BRINP1: variants seen among roughly 807,000 people sequenced by gnomAD.
The protein encoded by BRINP1 is BMP/retinoic acid inducible neural specific 1, also known as BMP/retinoic acid-inducible neural-specific protein 1.
A neutral mutation model predicts 72.9 loss-of-function variants in BRINP1; 17 were observed. That is an observed-to-expected ratio of 0.23 (90% confidence interval 0.16 to 0.35). BRINP1 has a LOEUF of 0.35. Ranked by LOEUF, BRINP1 falls within the 10% of genes least tolerant of loss-of-function variation. BRINP1 has a pLI of 1.00. For synonymous variants in BRINP1, 418 were observed against 378.5 expected (o/e 1.10, Z -1.21); for missense variants, 850 against 1,001.6 (o/e 0.85, Z 2.04).
At position 119,219,168 on chromosome 9, in the gene BRINP1, CTG is replaced by C. The variant is rs1181458540; in HGVS notation, c.686-5015_686-5014del. On this transcript the variant is annotated intron_variant, in intron 5 of 7. Coordinates refer to ENST00000265922, the MANE Select transcript of BRINP1 (RefSeq NM_014618.3). ...TTTCCTTTTGTGTAAGCCACCCAGT[CTG>C]TGAAATTTTGTTACAGCAGCCTGAG... is the stretch of plus-strand genomic sequence containing the variant. Among the ~76,000 whole-genome samples the C allele has an allele frequency of 2.0e-5, 3 of 152,102 alleles. No individual in the cohort carries two copies. The East Asian group carries it at 5.8e-4, about 30-fold the overall frequency.
At chr9:119,259,266 G>A (rs1032522241) in intron 2 of BRINP1, among the ~76,000 whole-genome samples, 9 of 152,124 alleles carry the variant, frequency 5.9e-5, no homozygotes, top group African/African-American at 1.7e-4. Context: ...CAGCATCTCT[G>A]AGCTTCTTTA....
intron 1 of BRINP1, among the ~76,000 whole-genome samples, chr9:119,353,969 C>T (rs1297914950): frequency 6.6e-6 from 1 of 151,584 alleles, no homozygotes; most frequent in Non-Finnish European, 1.5e-5. Context: ...TCATCTTTAA[C>T]CCCTCCCTCT....
chr9:119,223,637 A>G (rs949617072), intron 5 of BRINP1, among the ~76,000 whole-genome samples: 1 of 152,064 alleles, frequency 6.6e-6, no homozygotes, highest in African/African-American at 2.4e-5. Context: ...GAGTACCCAG[A>G]GTACGTGTTT....
intron 2 of BRINP1, among the ~76,000 whole-genome samples, chr9:119,249,934 GAGAA>G: frequency 8.4e-6 from 1 of 119,330 alleles, no homozygotes; most frequent in African/African-American, 3.5e-5. Flanking sequence ...GAGAGGGAGA[GAGAA>G]AGGGAAGGAA....
chr9:119,168,245 G>T, intron 7 of BRINP1, 21 bp from the exon 8 acceptor site: 1 of 1,484,156 alleles, frequency 6.7e-7, no homozygotes, highest in Non-Finnish European at 8.9e-7. Flanking sequence ...AAGGAAAATT[G>T]GAGAAGGTTA....
chr9:119,352,614 G>T (rs1369533841), intron 1 of BRINP1, among the ~76,000 whole-genome samples: 1 of 152,080 alleles, frequency 6.6e-6, no homozygotes, highest in Admixed American at 6.6e-5. Flanking sequence ...CACCATGTTG[G>T]CCAGGCTGAT....
At chr9:119,322,606 C>T (rs1831199706) in intron 1 of BRINP1, among the ~76,000 whole-genome samples, 1 of 152,148 alleles carries the variant, frequency 6.6e-6, no homozygotes, top group Non-Finnish European at 1.5e-5. Context: ...GAAGGGAATG[C>T]CTCCTCCCTC....
intron 7 of BRINP1, among the ~76,000 whole-genome samples, chr9:119,175,510 T>TA (rs774013726): frequency 5.9e-5 from 9 of 151,920 alleles, no homozygotes; most frequent in Non-Finnish European, 8.8e-5. Context: ...TCCCAAAACT[T>TA]AGAGTATAAT....
intron 2 of BRINP1, among the ~76,000 whole-genome samples, chr9:119,268,424 T>A (rs1181051384): frequency 6.6e-6 from 1 of 152,182 alleles, no homozygotes; most frequent in African/African-American, 2.4e-5. Context: ...GTGGTCTTTT[T>A]CAGCCCTCAA....
intron 7 of BRINP1, among the ~76,000 whole-genome samples, chr9:119,198,893 G>C (rs147067374): frequency 6.6e-6 from 1 of 151,928 alleles, no homozygotes; most frequent in Non-Finnish European, 1.5e-5. Flanking sequence ...GGCTGGTCTT[G>C]AACTCCTGGC....
chr9:119,189,083 A>G (rs1829656569), intron 7 of BRINP1, among the ~76,000 whole-genome samples: 1 of 152,176 alleles, frequency 6.6e-6, no homozygotes, highest in African/African-American at 2.4e-5. Context: ...GGTATATGCA[A>G]CCAAATTTAA....
chr9:119,213,391 A>T (rs1235421923), intron 6 of BRINP1, among the ~76,000 whole-genome samples: 1 of 152,244 alleles, frequency 6.6e-6, no homozygotes, highest in Non-Finnish European at 1.5e-5. Context: ...CTGAACTATG[A>T]AAGGCAGAAA....
chr9:119,324,169 A>G (rs1259827205), intron 1 of BRINP1, among the ~76,000 whole-genome samples: 3 of 152,174 alleles, frequency 2.0e-5, no homozygotes, highest in South Asian at 2.1e-4. Flanking sequence ...CAAACGTCCA[A>G]TTAATTCCAA....
intron 1 of BRINP1, among the ~76,000 whole-genome samples, chr9:119,327,480 G>C (rs1831251621): frequency 2.6e-5 from 4 of 152,162 alleles, no homozygotes; most frequent in Admixed American, 1.3e-4. Context: ...CACTCCATGG[G>C]ATCACAGGGA....
At chr9:119,267,127 C>A (rs1437201219) in intron 2 of BRINP1, among the ~76,000 whole-genome samples, 1 of 152,180 alleles carries the variant, frequency 6.6e-6, no homozygotes. Context: ...TAATTGTACA[C>A]ATTTATGGCA....
chr9:119,195,696 T>C (rs1367059729), intron 7 of BRINP1, among the ~76,000 whole-genome samples: 1 of 152,208 alleles, frequency 6.6e-6, no homozygotes, highest in African/African-American at 2.4e-5. Flanking sequence ...TCGTGCCACC[T>C]CTCAGCAGGG....
At chr9:119,313,536 C>T in intron 1 of BRINP1, 131 bp from the exon 2 acceptor site, 4 of 763,684 alleles carry the variant, frequency 5.2e-6, no homozygotes, top group Non-Finnish European at 8.2e-6. Context: ...CATAATAATA[C>T]CTTATATCAG....
At chr9:119,335,779 T>C (rs140448167) in intron 1 of BRINP1, among the ~76,000 whole-genome samples, 1 of 152,358 alleles carries the variant, frequency 6.6e-6, no homozygotes, top group East Asian at 1.9e-4. Context: ...ATCTGCTTTC[T>C]GTGAGATTAT....
intron 3 of BRINP1, among the ~76,000 whole-genome samples, chr9:119,245,392 T>G (rs919679106): frequency 6.6e-6 from 1 of 152,198 alleles, no homozygotes; most frequent in African/African-American, 2.4e-5. Context: ...CATGCACGCA[T>G]AGTCATACAT....
Sources: gnomAD v4.1 joint callset for allele counts (sites outside exome capture counted in the v4.1 genomes callset) on GRCh38, gnomAD v4.1.1 for gene constraint, MANE v1.5 for transcripts, NCBI Gene and HGNC (gene_info 2026-07-23, HGNC 2026-07-21) for gene names.